The following TRIM60 variants were observed in gnomAD, a reference collection of about 807,000 sequenced individuals.
TRIM60 encodes tripartite motif-containing protein 60.
For synonymous variants in TRIM60, 189 were observed against 195.2 expected (o/e 0.97, Z 0.27); for missense variants, 524 against 540.8 (o/e 0.97, Z 0.31).
intron 1 of TRIM60, among the ~76,000 whole-genome samples, chr4:165,034,443 C>T (rs937669783): frequency 5.3e-5 from 8 of 152,140 alleles, no homozygotes; most frequent in Non-Finnish European, 5.9e-5. Context: ...TGAGCCACTG[C>T]GCCCGTCCAT....
rs1733552163 is a variant in TRIM60 at position 165,033,441 on chromosome 4, T to TAAATGTA, written c.-57+1333_-57+1339dup. Among the ~76,000 whole-genome samples the TAAATGTA allele has an allele frequency of 2.0e-5, 3 of 152,082 alleles. No homozygotes were observed. In the South Asian group the frequency reaches 6.2e-4, roughly 32 times the overall value. On this transcript the variant is annotated intron_variant, in intron 1 of 2. Transcript: ENST00000512596. ...GTCCTTAACCAAAGGTTGACAAAAA[T>TAAATGTA]AAATGTAAAAATCTCAACTGTAATC...
At chr4:165,032,773 A>C (rs984944847) in intron 1 of TRIM60, among the ~76,000 whole-genome samples, 1 of 152,198 alleles carries the variant, frequency 6.6e-6, no homozygotes, top group African/African-American at 2.4e-5. Flanking sequence ...ACGGATGAGA[A>C]AGTTTAGGCT....
chr4:165,037,345 T>C (rs1733643317), intron 1 of TRIM60, among the ~76,000 whole-genome samples: 1 of 145,410 alleles, frequency 6.9e-6, no homozygotes, highest in Non-Finnish European at 1.5e-5. Context: ...GTTTTGTTTT[T>C]GCTAAGTCTC....
chr4:165,032,272 G>A (rs1387315979), intron 1 of TRIM60, among the ~76,000 whole-genome samples, 160 bp downstream of exon 1: 1 of 152,118 alleles, frequency 6.6e-6, no homozygotes, highest in Non-Finnish European at 1.5e-5. Context: ...TTTCTGAGAC[G>A]GAGTCTCGCT....
At position 165,041,349 on chromosome 4, in the gene TRIM60, T is replaced by C; in HGVS notation, c.1277T>C (p.Leu426Pro). The C allele has an allele frequency of 1.2e-6, 2 of 1,614,132 alleles. No individual in the cohort carries two copies. Among genetic ancestry groups the C allele is most frequent in the Non-Finnish European group, 1.7e-6 (2 of 1,179,970 alleles). Residue 426 changes from leucine (L) to proline (P), a missense_variant, in exon 3 of 3, where the codon CTT (leucine) becomes CCT (proline). Coordinates refer to ENST00000512596, the MANE Select transcript of TRIM60 (RefSeq NM_152620.3). ...TTTCTGGACTATGAATTGGGTGATC[T>C]TTCCTTTTATAATATGAATGATAGG... ...GIFLDYELGD[L>P]SFYNMNDRSI...
intron 1 of TRIM60, among the ~76,000 whole-genome samples, chr4:165,038,345 A>G (rs1733669933): frequency 6.6e-6 from 1 of 151,874 alleles, no homozygotes; most frequent in African/African-American, 2.4e-5. Flanking sequence ...TTTTTTTCCC[A>G]GTCTAGAATT....
Position 165,040,856 on chromosome 4 carries a change from C to G in TRIM60, c.784C>G (p.Leu262Val), listed in dbSNP as rs1560909873. 2 of 1,613,428 alleles carry G rather than the reference C, an allele frequency of 1.2e-6. No homozygotes were observed. The highest frequency in any genetic ancestry group is 1.3e-5 in the African/African-American group (1 of 74,982). The change falls in exon 3 of 3, where the codon CTA becomes GTA. Residue 262 changes from leucine to valine, a missense_variant. By Grantham distance (32) the Leu-to-Val change is conservative (BLOSUM62 1). Transcript: ENST00000512596. The stretch of plus-strand genomic sequence containing the variant: ...GAGTATGCACCACAAGTATCAAAAC[C>G]TAAAATGCCCTGAACTCTTTTCATT... ...AKSMHHKYQN[L>V]KCPELFSFRL...
chr4:165,040,132 G>A lies in TRIM60; in HGVS notation c.60G>A (p.Leu20=), dbSNP rs1733719047. ...AGGAGTCTAGCTGTCCCATCTGTCT[G>A]GAGTACTTGAAAGACCCAGTGACCA... is the stretch of plus-strand genomic sequence containing the variant. ...LQEESSCPIC[L]EYLKDPVTIN... is the part of the protein sequence containing the mutation. The change falls in exon 3 of 3, where the codon CTG becomes CTA. Residue 20 remains leucine (L), a synonymous_variant. Coordinates refer to ENST00000512596, the MANE Select transcript of TRIM60 (RefSeq NM_152620.3). 6.2e-6 allele frequency: 10 copies of A among 1,613,846 alleles called. No individual in the cohort carries two copies. Among genetic ancestry groups the A allele is most frequent in the Non-Finnish European group, 8.5e-6 (10 of 1,180,024 alleles).
rs544844905 is a variant in TRIM60, at chr4:165,038,385, T to C, written c.-56-816T>C. ...CTAAGAGAATGAATTACATTTTTTTTCCCCTCATATGTAAGGAAACAGGCT... is the reference window on the plus strand; with the variant it reads ...CTAAGAGAATGAATTACATTTTTTTCCCCCTCATATGTAAGGAAACAGGCT... On this transcript the variant is annotated intron_variant, in intron 1 of 2. Coordinates refer to ENST00000512596, the MANE Select transcript of TRIM60 (RefSeq NM_152620.3). 3.8e-4 allele frequency among the ~76,000 whole-genome samples: 58 copies of C among 152,168 alleles called. 1 individual carries two copies. The highest frequency in any genetic ancestry group is 5.1e-4 in the African/African-American group (21 of 41,490).
In TRIM60 at chr4:165,040,315, C is replaced by G. The variant is rs1221931241; in HGVS notation, c.243C>G (p.Leu81=). ...ATTTGACTGAAATTGCTAAACAACT[C>G]CAGATTAGGAGGAGCAAGAGAAAGA... The part of the protein sequence containing the change: ...LRNLTEIAKQ[L]QIRRSKRKRQ... Residue 81 remains leucine (L), a synonymous_variant, in exon 3 of 3, where the codon CTC becomes CTG. Coordinates refer to ENST00000512596, the MANE Select transcript of TRIM60 (RefSeq NM_152620.3). 4.3e-6 allele frequency: 7 copies of G among 1,614,044 alleles called. No homozygotes were observed. Among genetic ancestry groups the G allele is most frequent in the Non-Finnish European group, 5.9e-6 (7 of 1,180,046 alleles).
intron 1 of TRIM60, among the ~76,000 whole-genome samples, chr4:165,037,150 G>T (rs568285226): frequency 1.3e-5 from 2 of 151,784 alleles, no homozygotes; most frequent in Non-Finnish European, 2.9e-5. Context: ...GCAGTGAGCC[G>T]AGACTGCACC....
At chr4:165,036,001 G>T (rs1247943385) in intron 1 of TRIM60, among the ~76,000 whole-genome samples, 1 of 152,100 alleles carries the variant, frequency 6.6e-6, no homozygotes, top group Non-Finnish European at 1.5e-5. Context: ...GGGATTACAG[G>T]TGTGAGCCAT....
Position 165,040,337 on chromosome 4 carries a change from A to G in TRIM60, c.265A>G (p.Lys89Glu). 6.2e-7 allele frequency: 1 copy of G among 1,614,220 alleles called. No individual in the cohort carries two copies. Among genetic ancestry groups the G allele is most frequent in the Non-Finnish European group, 8.5e-7 (1 of 1,180,048 alleles). The stretch of plus-strand genomic sequence containing the variant: ...ACTCCAGATTAGGAGGAGCAAGAGA[A>G]AGAGGCAGAAAGAGAATGCCATGTG... ...KQLQIRRSKR[K>E]RQKENAMCEK... Residue 89 changes from lysine to glutamate, a missense_variant, in exon 3 of 3, where the codon AAG (lysine) becomes GAG (glutamate). Transcript: ENST00000512596.
At chr4:165,035,620 A>G (rs986503925) in intron 1 of TRIM60, among the ~76,000 whole-genome samples, 4 of 152,208 alleles carry the variant, frequency 2.6e-5, no homozygotes, top group Non-Finnish European at 4.4e-5. Context: ...TTCCTAGCTT[A>G]TATCAAAATT....
chr4:165,036,165 G>A (rs56118433), intron 1 of TRIM60, among the ~76,000 whole-genome samples: 7,972 of 152,270 alleles, frequency 0.052, 584 homozygotes, highest in African/African-American at 0.16. Context: ...TAGGCCTGCT[G>A]TGCTCATTCT....
chr4:165,039,142 T>TA, intron 1 of TRIM60, 59 bp from the exon 2 acceptor site: 1 of 151,752 alleles, frequency 6.6e-6, no homozygotes, highest in African/African-American at 2.4e-5. Flanking sequence ...TTTATTTATT[T>TA]TATATATATA....
Position 165,041,162 on chromosome 4 carries a change from T to A in TRIM60, c.1090T>A (p.Leu364Met), listed in dbSNP as rs201282950. The A allele has an allele frequency of 9.5e-5, 153 of 1,614,046 alleles. No individual in the cohort carries two copies. Among genetic ancestry groups the A allele is most frequent in the Non-Finnish European group, 1.1e-4 (135 of 1,180,042 alleles). The part of the protein sequence containing the change: ...VEVGNKPKWI[L>M]GVCQDCLLRN... ...AGTGGGAAACAAACCTAAATGGATATTGGGTGTGTGTCAAGACTGTCTTCT... is the reference window on the plus strand; with the variant it reads ...AGTGGGAAACAAACCTAAATGGATAATGGGTGTGTGTCAAGACTGTCTTCT... The change falls in exon 3 of 3, where the codon TTG (leucine) becomes ATG (methionine). Residue 364 changes from leucine to methionine, a missense_variant. Leu to Met is a conservative substitution (Grantham distance 15). Coordinates refer to ENST00000512596, the MANE Select transcript of TRIM60 (RefSeq NM_152620.3).
Position 165,040,321 on chromosome 4 carries a change from T to G in TRIM60, c.249T>G (p.Ile83Met). Residue 83 changes from isoleucine (I) to methionine (M), a missense_variant, in exon 3 of 3, where the codon ATT becomes ATG. Ile to Met is a conservative substitution (Grantham distance 10). Coordinates refer to ENST00000512596, the MANE Select transcript of TRIM60 (RefSeq NM_152620.3). ...NLTEIAKQLQ[I>M]RRSKRKRQKE... ...CTGAAATTGCTAAACAACTCCAGATTAGGAGGAGCAAGAGAAAGAGGCAGA... is the reference window on the plus strand; with the variant it reads ...CTGAAATTGCTAAACAACTCCAGATGAGGAGGAGCAAGAGAAAGAGGCAGA... 17 of 1,614,114 alleles carry G rather than the reference T, an allele frequency of 1.1e-5. No individual in the cohort carries two copies. The highest frequency in any genetic ancestry group is 1.4e-5 in the Non-Finnish European group (16 of 1,180,024).
rs1398208302 is a variant in TRIM60 at position 165,040,154 on chromosome 4, A to G, written c.82A>G (p.Thr28Ala). 6.2e-7 allele frequency: 1 copy of G among 1,613,944 alleles called. No homozygotes were observed. The highest frequency in any genetic ancestry group is 8.5e-7 in the Non-Finnish European group (1 of 1,180,008). Reference sequence around the variant, plus strand: ...TCTGGAGTACTTGAAAGACCCAGTGACCATCAACTGTGGGCACAACTTCTG... The same window carrying G: ...TCTGGAGTACTTGAAAGACCCAGTGGCCATCAACTGTGGGCACAACTTCTG... ...ICLEYLKDPV[T>A]INCGHNFCRS... is the part of the protein sequence containing the mutation. Residue 28 changes from threonine (T) to alanine (A), a missense_variant, in exon 3 of 3, where the codon ACC (threonine) becomes GCC (alanine). Thr to Ala is a moderately conservative substitution (Grantham distance 58). Transcript: ENST00000512596.
Sources: allele counts gnomAD v4.1 joint callset (sites outside exome capture counted in the v4.1 genomes callset), GRCh38; gene constraint gnomAD v4.1.1; transcripts MANE v1.5; gene names NCBI Gene and HGNC (gene_info 2026-07-23, HGNC 2026-07-21).